The following CDH12 variants were observed in gnomAD, a reference collection of about 807,000 sequenced individuals.
CDH12 encodes the protein cadherin-12.
In CDH12, 41 loss-of-function variants were observed where a neutral mutation model predicts 74.1. The observed-to-expected ratio is 0.55, with a 90% CI of 0.43 to 0.72. CDH12 has a LOEUF of 0.72. CDH12 is among the 30% of genes least tolerant of loss of function. The pLI, the probability that CDH12 is intolerant of heterozygous loss-of-function variation, is 0.00. For synonymous variants in CDH12, 399 were observed against 355.0 expected, an observed-to-expected ratio of 1.12 and a Z score of -1.39; for missense variants, 945 against 977.2, an observed-to-expected ratio of 0.97 and a Z score of 0.44.
chr5:22,092,202 T>C (rs985217900), intron 4 of CDH12, among the ~76,000 whole-genome samples: 8 of 151,866 alleles, frequency 5.3e-5, no homozygotes, highest in African/African-American at 1.7e-4. Context: ...AAACATAGAA[T>C]AGGCAATTCA....
At chr5:21,920,667 T>TATAATAATAATAATAATAATAATAATA (rs149078574) in intron 6 of CDH12, among the ~76,000 whole-genome samples, 24 of 145,546 alleles carry the variant, frequency 1.6e-4, no homozygotes, top group East Asian at 4.0e-4. Context: ...GAACTTAAAG[T>TATAATAATAATAATAATAATAATAATA]ATGATAATAA....
At chr5:22,655,009 C>T (rs1739962322) in intron 1 of CDH12, among the ~76,000 whole-genome samples, 2 of 152,260 alleles carry the variant, frequency 1.3e-5, no homozygotes, top group South Asian at 4.1e-4. Flanking sequence ...GGCAACCGTC[C>T]TTAAAAGCTC....
chr5:22,396,509 A>T (rs1453715439), intron 3 of CDH12, among the ~76,000 whole-genome samples: 1 of 152,132 alleles, frequency 6.6e-6, no homozygotes, highest in East Asian at 1.9e-4. Context: ...TAGGGAGTAG[A>T]TTCTGGGATT....
At chr5:22,813,886 C>G (rs2126456043) in intron 1 of CDH12, among the ~76,000 whole-genome samples, 1 of 152,264 alleles carries the variant, frequency 6.6e-6, no homozygotes, top group East Asian at 1.9e-4. Context: ...CACTCTGCAG[C>G]AAAGGACCCA....
intron 3 of CDH12, among the ~76,000 whole-genome samples, chr5:22,246,985 T>C (rs1752968117): frequency 6.6e-6 from 1 of 152,204 alleles, no homozygotes; most frequent in African/African-American, 2.4e-5. Context: ...TATTAAGCTC[T>C]ATAACTTCAT....
intron 3 of CDH12, among the ~76,000 whole-genome samples, chr5:22,299,858 T>C (rs1737792520): frequency 6.6e-6 from 1 of 152,190 alleles, no homozygotes; most frequent in Non-Finnish European, 1.5e-5. Flanking sequence ...GAGAGTATAG[T>C]AATATTTTTA....
chr5:21,881,150 G>T (rs1752335652), intron 6 of CDH12, among the ~76,000 whole-genome samples: 1 of 151,988 alleles, frequency 6.6e-6, no homozygotes, highest in Non-Finnish European at 1.5e-5. Flanking sequence ...AAAAAAAACT[G>T]CTGAAATGTA....
chr5:21,923,885 G>T (rs1754470575), intron 6 of CDH12, among the ~76,000 whole-genome samples: 1 of 152,030 alleles, frequency 6.6e-6, no homozygotes, highest in East Asian at 1.9e-4. Flanking sequence ...TTTCTCTTTT[G>T]CAAATTGAAG....
chr5:21,792,711 T>A (rs181007333), intron 10 of CDH12, among the ~76,000 whole-genome samples: 86 of 151,642 alleles, frequency 5.7e-4, no homozygotes, highest in Non-Finnish European at 8.3e-4. Flanking sequence ...CTGACCACTG[T>A]ATTTTGTCTT....
intron 1 of CDH12, among the ~76,000 whole-genome samples, chr5:22,792,141 T>G (rs1747942749): frequency 7.0e-6 from 1 of 143,716 alleles, no homozygotes; most frequent in African/African-American, 2.6e-5. Flanking sequence ...TGGGCTGGAG[T>G]GCAGTCGCAT....
chr5:22,357,792 A>T (rs1167536757), intron 3 of CDH12, among the ~76,000 whole-genome samples: 2 of 152,162 alleles, frequency 1.3e-5, no homozygotes, highest in Non-Finnish European at 2.9e-5. Flanking sequence ...CATTACTTGC[A>T]TTTCAATATG....
At chr5:22,341,053 T>C (rs1242515065) in intron 3 of CDH12, among the ~76,000 whole-genome samples, 1 of 152,214 alleles carries the variant, frequency 6.6e-6, no homozygotes, top group African/African-American at 2.4e-5. Context: ...TAGTAATCTA[T>C]GTGGATAATT....
chr5:22,148,298 T>C (rs1368198770), intron 4 of CDH12, among the ~76,000 whole-genome samples: 6 of 152,182 alleles, frequency 3.9e-5, no homozygotes, highest in Non-Finnish European at 7.3e-5. Flanking sequence ...TCACTCTAAG[T>C]ACTTTGTCTA....
chr5:22,283,229 T>TATATATATATAG (rs1736979308), intron 3 of CDH12, among the ~76,000 whole-genome samples: 4 of 39,454 alleles, frequency 1.0e-4, no homozygotes, highest in African/African-American at 3.4e-4. Flanking sequence ...TATATATATA[T>TATATATATATAG]ATATATATAT....
At chr5:21,918,031 A>G (rs773487301) in intron 6 of CDH12, among the ~76,000 whole-genome samples, 1 of 152,140 alleles carries the variant, frequency 6.6e-6, no homozygotes, top group Non-Finnish European at 1.5e-5. Flanking sequence ...TCACAATGTT[A>G]CCTTTTTGTT....
At chr5:21,935,660 T>G (rs1464687621) in intron 6 of CDH12, among the ~76,000 whole-genome samples, 1 of 152,226 alleles carries the variant, frequency 6.6e-6, no homozygotes, top group East Asian at 1.9e-4. Context: ...ATAGTCACCC[T>G]GTTGTGCTAG....
chr5:22,220,999 C>CACACACACAG (rs1034659137), intron 3 of CDH12, among the ~76,000 whole-genome samples: 1 of 151,860 alleles, frequency 6.6e-6, no homozygotes, highest in African/African-American at 2.4e-5. Context: ...AATACACACA[C>CACACACACAG]ACACACACAG....
chr5:22,496,010 T>C (rs1747092751), intron 2 of CDH12, among the ~76,000 whole-genome samples: 1 of 152,198 alleles, frequency 6.6e-6, no homozygotes, highest in African/African-American at 2.4e-5. Flanking sequence ...AAATATGAAC[T>C]ACATAATCCT....
chr5:22,457,699 C>T (rs1303342326), intron 2 of CDH12, among the ~76,000 whole-genome samples: 2 of 151,858 alleles, frequency 1.3e-5, no homozygotes, highest in Non-Finnish European at 1.5e-5. Context: ...CTGCCTCAGC[C>T]TCCTGGGTAG....
Sources: allele counts gnomAD v4.1 joint callset (sites outside exome capture counted in the v4.1 genomes callset), GRCh38; gene constraint gnomAD v4.1.1; transcripts MANE v1.5; gene names NCBI Gene and HGNC (gene_info 2026-07-23, HGNC 2026-07-21).